Variants in ZNF254 observed in about 807,000 individuals in gnomAD.
ZNF254 encodes CTD-2017D11.1.
A neutral mutation model predicts 12.4 loss-of-function variants in ZNF254; 10 were observed. The observed-to-expected ratio is 0.80, with a 90% CI of 0.50 to 1.36. The LOEUF (loss-of-function observed/expected upper bound fraction) is 1.36, where lower values mean the gene tolerates loss of function less well. Among genes scored for constraint, ZNF254 ranks in the 40% most tolerant of loss-of-function variants. ZNF254 has a pLI of 0.00. For synonymous variants in ZNF254, 305 were observed against 253.4 expected (o/e 1.20, Z -1.93); for missense variants, 996 against 763.9 (o/e 1.30, Z -3.58).
At chr19:24,120,684 A>T (rs1974417060) in intron 3 of ZNF254, among the ~76,000 whole-genome samples, 1 of 150,440 alleles carries the variant, frequency 6.6e-6, no homozygotes, top group African/African-American at 2.5e-5. Context: ...TGTTGTTGAG[A>T]TGGAGTCTTG....
chr19:24,071,882 A>C (rs1427540034), intron 2 of ZNF254, among the ~76,000 whole-genome samples: 1 of 152,210 alleles, frequency 6.6e-6, no homozygotes, highest in Non-Finnish European at 1.5e-5. Flanking sequence ...GGGCTCATGC[A>C]GGAGAGTCAC....
At chr19:24,111,415 T>G (rs1009654952) in intron 3 of ZNF254, among the ~76,000 whole-genome samples, 7 of 152,172 alleles carry the variant, frequency 4.6e-5, no homozygotes, top group South Asian at 2.1e-4. Flanking sequence ...ATAAACATAC[T>G]TGTGCATGTG....
intron 2 of ZNF254, among the ~76,000 whole-genome samples, chr19:24,077,326 T>C (rs1317126542): frequency 6.6e-6 from 1 of 152,210 alleles, no homozygotes; most frequent in East Asian, 1.9e-4. Flanking sequence ...CAGGACCTCC[T>C]GAGGCTGTGT....
chr19:24,127,846 AC>A lies in ZNF254; in HGVS notation c.1849del (p.Leu617Ter). On this transcript the variant is annotated frameshift_variant, in exon 4 of 4. Coordinates refer to ENST00000357002, the MANE Select transcript of ZNF254 (RefSeq NM_203282.4). LOFTEE classifies it low-confidence loss of function (END_TRUNC). ...ECGKAFFWSS[T>X]LTKHKRIHTG... ...TGGCAAAGCATTTTTCTGGTCCTCA[AC>A]CCTAACTAAACATAAGAGAATTCAT... is the stretch of plus-strand genomic sequence containing the variant. 6.2e-7 allele frequency: 1 copy of A among 1,613,402 alleles called. No individual in the cohort carries two copies. Among genetic ancestry groups the A allele is most frequent in the Non-Finnish European group, 8.5e-7 (1 of 1,179,724 alleles).
At chr19:24,081,906 T>C (rs1390645291) in intron 2 of ZNF254, among the ~76,000 whole-genome samples, 2 of 152,196 alleles carry the variant, frequency 1.3e-5, no homozygotes, top group Non-Finnish European at 2.9e-5. Flanking sequence ...GTGGATCACC[T>C]GAGGTCAGGA....
chr19:24,091,295 C>T (rs1972364731), intron 1 of ZNF254, among the ~76,000 whole-genome samples: 1 of 143,042 alleles, frequency 7.0e-6, no homozygotes, highest in Non-Finnish European at 1.5e-5. Context: ...AGAATGGTAG[C>T]TACCAAGGAA....
Position 24,127,031 on chromosome 19 carries a change from A to T in ZNF254, c.1031A>T (p.His344Leu), listed in dbSNP as rs1974909354. 2 of 1,613,754 alleles carry T rather than the reference A, an allele frequency of 1.2e-6. No homozygotes were observed. The highest frequency in any genetic ancestry group is 1.7e-5 in the Admixed American group (1 of 59,954). The change falls in exon 4 of 4, where the codon CAC becomes CTC. Residue 344 changes from histidine (H) to leucine (L), a missense_variant. His to Leu is a moderately conservative substitution (Grantham distance 99). Transcript: ENST00000357002. ...ACACTAACTAGACATAAGAGGATGC[A>T]CACTGGAGAGAAACCCTACAAATGT... ...SSTLTRHKRMHTGEKPYKCEE... is the reference protein window; with the variant it reads ...SSTLTRHKRMLTGEKPYKCEE...
At chr19:24,080,544 A>C (rs1267656734) in intron 2 of ZNF254, 1 of 152,114 alleles carries the variant, frequency 6.6e-6, no homozygotes, top group African/African-American at 2.4e-5. Context: ...TAAGAATATG[A>C]AGTTTCACCA....
chr19:24,110,421 G>A (rs1480446866), intron 3 of ZNF254, among the ~76,000 whole-genome samples: 1 of 151,942 alleles, frequency 6.6e-6, no homozygotes, highest in Non-Finnish European at 1.5e-5. Flanking sequence ...CTAAGAAATA[G>A]CCAGGCATGG....
intron 3 of ZNF254, among the ~76,000 whole-genome samples, chr19:24,122,546 C>A (rs773092821): frequency 2.0e-5 from 3 of 152,062 alleles, no homozygotes; most frequent in Non-Finnish European, 4.4e-5. Flanking sequence ...TGTTTTATGG[C>A]ACTTTGCAAA....
At chr19:24,126,225 T>TAA in intron 3 of ZNF254, 29 bp from the exon 4 acceptor site, 3 of 1,364,418 alleles carry the variant, frequency 2.2e-6, no homozygotes, top group Non-Finnish European at 1.9e-6. Flanking sequence ...GTAAGTGGAG[T>TAA]AATTTATTTA....
chr19:24,089,236 A>G (rs1207907021), intron 1 of ZNF254, among the ~76,000 whole-genome samples: 1 of 152,094 alleles, frequency 6.6e-6, no homozygotes, highest in Non-Finnish European at 1.5e-5. Flanking sequence ...TTGGCCTCCG[A>G]AAGTGCTGGG....
At chr19:24,043,736 TA>T (rs1970265994) in intron 1 of ZNF254, among the ~76,000 whole-genome samples, 1 of 107,864 alleles carries the variant, frequency 9.3e-6, no homozygotes, top group Non-Finnish European at 2.2e-5. Flanking sequence ...AGAAATGTTC[TA>T]CTCTCCAACT....
intron 1 of ZNF254, among the ~76,000 whole-genome samples, chr19:24,092,420 C>A (rs939519688): frequency 6.7e-6 from 1 of 149,580 alleles, no homozygotes; most frequent in Admixed American, 6.6e-5. Context: ...TCCACCCTCC[C>A]CCCCGGCCTC....
chr19:24,068,220 C>T (rs915920503), intron 2 of ZNF254, among the ~76,000 whole-genome samples: 2 of 152,070 alleles, frequency 1.3e-5, no homozygotes, highest in Non-Finnish European at 2.9e-5. Flanking sequence ...TCTATCCTCT[C>T]AGGGTGTTGC....
In ZNF254 at chr19:24,128,702, A is replaced by G. The variant is rs1272193465; in HGVS notation, c.*722A>G. On this transcript the variant is annotated 3_prime_UTR_variant, in exon 4 of 4. Coordinates refer to ENST00000357002, the MANE Select transcript of ZNF254 (RefSeq NM_203282.4). The stretch of plus-strand genomic sequence containing the variant: ...TTAAATATGAAAGATATTCAATCCA[A>G]AATTAAGTCTATGTAAATATCAGGG... 6.6e-6 allele frequency: 1 copy of G among 152,156 alleles called. No homozygotes were observed. Among genetic ancestry groups the G allele is most frequent in the African/African-American group, 2.4e-5 (1 of 41,470 alleles). The allele number at this position is 152,156 out of a possible 1,614,324, so 9.4% of individuals were successfully genotyped here.
At chr19:24,097,184 T>C (rs1972723028) in intron 1 of ZNF254, among the ~76,000 whole-genome samples, 1 of 152,218 alleles carries the variant, frequency 6.6e-6, no homozygotes, top group South Asian at 2.1e-4. Flanking sequence ...TGCTCTTTTT[T>C]TGCTTTGGCA....
chr19:24,048,467 G>C (rs1970495545), intron 2 of ZNF254, among the ~76,000 whole-genome samples: 1 of 152,158 alleles, frequency 6.6e-6, no homozygotes, highest in Non-Finnish European at 1.5e-5. Context: ...TGTTTAAGGG[G>C]GACCAGATGG....
At chr19:24,072,544 A>G (rs538347886) in intron 2 of ZNF254, among the ~76,000 whole-genome samples, 142 of 152,248 alleles carry the variant, frequency 9.3e-4, no homozygotes, top group African/African-American at 3.3e-3. Context: ...AAATGGGTGA[A>G]AGGCTCTTGC....
Sources: allele counts gnomAD v4.1 joint callset (sites outside exome capture counted in the v4.1 genomes callset), GRCh38; gene constraint gnomAD v4.1.1; transcripts MANE v1.5; gene names NCBI Gene and HGNC (gene_info 2026-07-23, HGNC 2026-07-21).